The following IL7R variants were observed in gnomAD, a reference collection of about 807,000 sequenced individuals.
IL7R encodes interleukin-7 receptor subunit alpha.
In IL7R, 38 loss-of-function variants were observed where a neutral mutation model predicts 47.0. The ratio of observed to expected loss-of-function variants is 0.81; its 90% CI spans 0.62 to 1.06. The LOEUF (loss-of-function observed/expected upper bound fraction) is 1.06. IL7R is among the 50% of genes least tolerant of loss of function. IL7R has a pLI of 0.00. For synonymous variants in IL7R, 221 were observed against 199.8 expected (o/e 1.11, Z -0.89); for missense variants, 633 against 534.8 (o/e 1.18, Z -1.81).
chr5:35,861,681 A>G (rs1759823935), intron 2 of IL7R, among the ~76,000 whole-genome samples: 1 of 149,392 alleles, frequency 6.7e-6, no homozygotes, highest in Non-Finnish European at 1.5e-5. Context: ...TTGTTTCACA[A>G]GGTCTCACAG....
intron 2 of IL7R, among the ~76,000 whole-genome samples, chr5:35,862,060 C>T (rs1759834039): frequency 6.6e-6 from 1 of 152,130 alleles, no homozygotes. Flanking sequence ...GTGCTTTCTG[C>T]TGCAGTCCTT....
chr5:35,869,002 G>A (rs908139393), intron 3 of IL7R, among the ~76,000 whole-genome samples: 35 of 152,186 alleles, frequency 2.3e-4, no homozygotes, highest in Non-Finnish European at 3.7e-4. Context: ...CCCTTTGGAA[G>A]GGGTAGTGTG....
intron 4 of IL7R, among the ~76,000 whole-genome samples, chr5:35,871,813 G>T (rs1257225079): frequency 6.6e-6 from 1 of 152,146 alleles, no homozygotes; most frequent in Non-Finnish European, 1.5e-5. Context: ...GGAGGAGGTG[G>T]CAGAAGAGTG....
chr5:35,866,896 A>T (rs1295292862), intron 2 of IL7R, among the ~76,000 whole-genome samples: 1 of 151,978 alleles, frequency 6.6e-6, no homozygotes, highest in African/African-American at 2.4e-5. Flanking sequence ...CTATGTTATC[A>T]TTTTCTTTAA....
intron 2 of IL7R, among the ~76,000 whole-genome samples, chr5:35,861,963 A>T (rs1401695697): frequency 3.9e-5 from 6 of 152,144 alleles, no homozygotes; most frequent in Non-Finnish European, 1.5e-5. Flanking sequence ...ATAGACACTG[A>T]GACAATTCTC....
In IL7R at chr5:35,876,371, A is replaced by C. The variant is rs770335655; in HGVS notation, c.1265A>C (p.Gln422Pro). The C allele has an allele frequency of 1.2e-6, 2 of 1,613,548 alleles. No individual in the cohort carries two copies. The highest frequency in any genetic ancestry group is 1.7e-5 in the Admixed American group (1 of 59,966). Residue 422 changes from glutamine to proline, a missense_variant, in exon 8 of 8, where the codon CAA becomes CCA. Coordinates refer to ENST00000303115, the MANE Select transcript of IL7R (RefSeq NM_002185.5). ...NSTLPPPFSL[Q>P]SGILTLNPVA... ...ACGCTGCCCCCTCCATTTTCTCTCC[A>C]ATCTGGAATCCTGACATTGAACCCA... is the stretch of plus-strand genomic sequence containing the variant.
At chr5:35,870,726 T>A (rs1760050616) in intron 3 of IL7R, among the ~76,000 whole-genome samples, 1 of 152,098 alleles carries the variant, frequency 6.6e-6, no homozygotes, top group African/African-American at 2.4e-5. Context: ...GCACTTTCCA[T>A]CTTGTGGCTC....
chr5:35,874,534 G>GA lies in IL7R; in HGVS notation c.799dup (p.Arg267LysfsTer3), dbSNP rs1384901919. On this transcript the variant is annotated frameshift_variant, in exon 6 of 8. Transcript: ENST00000303115. LOFTEE classifies it high-confidence loss of function. ...TGGTCATCTTGGCCTGTGTGTTATG[G>GA]AAAAAAAGGTGACCTTCTTCAACTA... The GA allele has an allele frequency of 6.2e-7, 1 of 1,610,110 alleles. No homozygotes were observed. The highest frequency in any genetic ancestry group is 8.5e-7 in the Non-Finnish European group (1 of 1,176,496).
chr5:35,872,874 A>G (rs1449708992), intron 4 of IL7R, among the ~76,000 whole-genome samples: 6 of 152,212 alleles, frequency 3.9e-5, no homozygotes. Context: ...AAATATCACA[A>G]TAGAAAAATG....
chr5:35,865,879 G>GA (rs1045002366), intron 2 of IL7R, among the ~76,000 whole-genome samples: 2 of 152,180 alleles, frequency 1.3e-5, no homozygotes, highest in East Asian at 3.9e-4. Flanking sequence ...GGCCATCAGA[G>GA]AAACGCAAAT....
chr5:35,860,077 A>C (rs1465218965), intron 1 of IL7R, among the ~76,000 whole-genome samples: 1 of 152,162 alleles, frequency 6.6e-6, no homozygotes, highest in African/African-American at 2.4e-5. Flanking sequence ...CAAAAAAAAA[A>C]AAAATCTGGT....
At chr5:35,861,074 A>C in intron 2 of IL7R, 84 bp downstream of exon 2, 1 of 1,372,766 alleles carries the variant, frequency 7.3e-7, no homozygotes, top group Non-Finnish European at 1.0e-6. Context: ...CAAAAGAAAG[A>C]ATATGTGGCC....
In IL7R at chr5:35,861,565, T is replaced by A. The variant is rs566026523; in HGVS notation, c.221+575T>A. On this transcript the variant is annotated intron_variant, in intron 2 of 7. Coordinates refer to ENST00000303115, the MANE Select transcript of IL7R (RefSeq NM_002185.5). ...GTAATGGGGAAGCAACATTAAATTA[T>A]AATTCTGTGAATATTGACCTAACTT... is the stretch of plus-strand genomic sequence containing the variant. Among the ~76,000 whole-genome samples the A allele has an allele frequency of 1.1e-4, 17 of 152,266 alleles. No individual in the cohort carries two copies. The East Asian group carries it at 3.1e-3, about 28-fold the overall frequency.
chr5:35,876,637 C>A lies in IL7R; in HGVS notation c.*151C>A. On this transcript the variant is annotated 3_prime_UTR_variant, in exon 8 of 8. Transcript: ENST00000303115. ...GCAAGATTCTGAAACATTGCTTTGA[C>A]CACTCTTCCTGAGTTCAGTGGCACT... The A allele has an allele frequency of 1.2e-6, 1 of 813,550 alleles. No homozygotes were observed. The allele number at this position is 813,550 out of a possible 1,614,324, so 50.4% of individuals were successfully genotyped here. A position where few individuals can be genotyped will look rare whatever the true frequency, so the allele number is the denominator to read the frequency against.
intron 6 of IL7R, 76 bp downstream of exon 6, chr5:35,874,618 T>A: frequency 1.3e-5 from 14 of 1,101,826 alleles, no homozygotes; most frequent in Non-Finnish European, 1.8e-5. Context: ...CATTTATTGA[T>A]GAGAAAACCA....
At chr5:35,861,995 G>T (rs1561419367) in intron 2 of IL7R, among the ~76,000 whole-genome samples, 1 of 152,020 alleles carries the variant, frequency 6.6e-6, no homozygotes, top group Non-Finnish European at 1.5e-5. Flanking sequence ...GTCCAAACAA[G>T]CCCTGAATTC....
Position 35,867,446 on chromosome 5 carries a change from T to C in IL7R, c.362T>C (p.Ile121Thr). The C allele has an allele frequency of 6.2e-7, 1 of 1,613,002 alleles. No individual in the cohort carries two copies. The highest frequency in any genetic ancestry group is 8.5e-7 in the Non-Finnish European group (1 of 1,179,524). Reference sequence around the variant, plus strand: ...GAAAAGAGTCTAACCTGCAAAAAAATAGACCTAACCACTATAGGTAAGAAG... The same window carrying C: ...GAAAAGAGTCTAACCTGCAAAAAAACAGACCTAACCACTATAGGTAAGAAG... ...VGEKSLTCKK[I>T]DLTTIVKPEA... Residue 121 changes from isoleucine (I) to threonine (T), a missense_variant, in exon 3 of 8, where the codon ATA (isoleucine) becomes ACA (threonine). Ile to Thr is a moderately conservative substitution (Grantham distance 89, BLOSUM62 -1). Coordinates refer to ENST00000303115, the MANE Select transcript of IL7R (RefSeq NM_002185.5).
In IL7R at chr5:35,876,380, T is replaced by C. The variant is rs1177291745; in HGVS notation, c.1274T>C (p.Ile425Thr). 8.7e-6 allele frequency: 14 copies of C among 1,613,640 alleles called. 1 individual carries two copies. The African/African-American group carries it at 1.2e-4, about 14-fold the overall frequency. ...LPPPFSLQSG[I>T]LTLNPVAQGQ... ...CCTCCATTTTCTCTCCAATCTGGAA[T>C]CCTGACATTGAACCCAGTTGCTCAG... The change falls in exon 8 of 8, where the codon ATC becomes ACC. Residue 425 changes from isoleucine (I) to threonine (T), a missense_variant. Physicochemically the swap from Ile to Thr is moderately conservative, Grantham distance 89. Coordinates refer to ENST00000303115, the MANE Select transcript of IL7R (RefSeq NM_002185.5).
intron 3 of IL7R, 164 bp downstream of exon 3, chr5:35,867,627 A>G: frequency 1.4e-6 from 1 of 696,878 alleles, no homozygotes; most frequent in Non-Finnish European, 2.6e-6. Flanking sequence ...AAAGCTTGAA[A>G]TTTATACTTT....
Sources: gnomAD v4.1 joint callset for allele counts (sites outside exome capture counted in the v4.1 genomes callset) on GRCh38, gnomAD v4.1.1 for gene constraint, MANE v1.5 for transcripts, NCBI Gene and HGNC (gene_info 2026-07-23, HGNC 2026-07-21) for gene names.